NGEF: variants seen among roughly 807,000 people sequenced by gnomAD.
NGEF encodes neuronal guanine nucleotide exchange factor.
A neutral mutation model predicts 80.9 loss-of-function variants in NGEF; 31 were observed. That is an observed-to-expected ratio of 0.38 (90% CI 0.29 to 0.52). The LOEUF (loss-of-function observed/expected upper bound fraction) is 0.52, where lower values mean the gene tolerates loss of function less well. NGEF is among the 20% of genes least tolerant of loss of function. The pLI, the probability that NGEF is intolerant of heterozygous loss-of-function variation, is 0.84. For synonymous variants in NGEF, 371 were observed against 370.2 expected (o/e 1.00, Z -0.03); for missense variants, 709 against 926.2 (o/e 0.77, Z 3.04).
At chr2:232,906,610 C>A (rs1190877967) in intron 5 of NGEF, among the ~76,000 whole-genome samples, 1 of 54,388 alleles carries the variant, frequency 1.8e-5, no homozygotes, top group African/African-American at 5.9e-5. Flanking sequence ...AGTGAGGAGC[C>A]CCTCTGCCCG....
intron 3 of NGEF, among the ~76,000 whole-genome samples, chr2:232,937,847 G>T (rs1324709391): frequency 1.3e-5 from 2 of 152,320 alleles, no homozygotes; most frequent in East Asian, 3.9e-4. Flanking sequence ...TGGCTTCTGC[G>T]ATTGGTGCCT....
chr2:232,999,089 C>T (rs945857286), intron 1 of NGEF, among the ~76,000 whole-genome samples: 1 of 152,126 alleles, frequency 6.6e-6, no homozygotes, highest in Non-Finnish European at 1.5e-5. Context: ...ACTTGCCTCT[C>T]CTCTGGCCTC....
chr2:232,934,395 CTT>C (rs11335315), intron 3 of NGEF, among the ~76,000 whole-genome samples: 18 of 150,378 alleles, frequency 1.2e-4, no homozygotes, highest in African/African-American at 2.4e-4. Context: ...GAGGAAGATT[CTT>C]TTTTTTTTTA....
chr2:233,010,883 G>A (rs1471681977), intron 1 of NGEF, among the ~76,000 whole-genome samples: 3 of 152,152 alleles, frequency 2.0e-5, no homozygotes, highest in Non-Finnish European at 4.4e-5. Context: ...CCCAAGGTGG[G>A]GAGAGGTGGT....
chr2:232,958,356 C>T (rs550890645), intron 3 of NGEF, among the ~76,000 whole-genome samples: 27 of 152,262 alleles, frequency 1.8e-4, no homozygotes, highest in African/African-American at 6.3e-4. Flanking sequence ...TTGCAAGAGC[C>T]TTGGTCTGCA....
chr2:232,951,016 G>A (rs749612833), intron 3 of NGEF, among the ~76,000 whole-genome samples: 1 of 152,256 alleles, frequency 6.6e-6, no homozygotes. Flanking sequence ...ACCCAGCGGC[G>A]TCCGGCATGC....
intron 3 of NGEF, among the ~76,000 whole-genome samples, chr2:232,932,163 C>CTTTTTTTTTTTTTT (rs397988249): frequency 8.7e-6 from 1 of 115,590 alleles, no homozygotes. Context: ...AATCACCTTT[C>CTTTTTTTTTTTTTT]TTTTTTTTTT....
chr2:232,994,394 TA>T (rs1694736710), intron 1 of NGEF, among the ~76,000 whole-genome samples: 1 of 149,266 alleles, frequency 6.7e-6, no homozygotes, highest in African/African-American at 2.5e-5. Flanking sequence ...AAAAAGATAT[TA>T]AAAAAATAGA....
intron 2 of NGEF, among the ~76,000 whole-genome samples, chr2:232,971,104 C>T (rs999871306): frequency 2.6e-5 from 4 of 152,192 alleles, no homozygotes; most frequent in Admixed American, 2.6e-4. Context: ...CAATGATCTG[C>T]TGTGATTTTG....
intron 1 of NGEF, among the ~76,000 whole-genome samples, chr2:233,008,463 T>C (rs1033031686): frequency 2.0e-5 from 3 of 152,172 alleles, no homozygotes; most frequent in Admixed American, 1.3e-4. Context: ...TACAAGCAGG[T>C]TGCACTAACT....
chr2:232,941,364 G>A (rs1228936738), intron 3 of NGEF, among the ~76,000 whole-genome samples: 1 of 152,166 alleles, frequency 6.6e-6, no homozygotes. Flanking sequence ...GTGCTGCAAA[G>A]GCAGTCTAGT....
At chr2:232,952,495 A>C (rs1474246818) in intron 3 of NGEF, among the ~76,000 whole-genome samples, 1 of 152,220 alleles carries the variant, frequency 6.6e-6, no homozygotes, top group African/African-American at 2.4e-5. Flanking sequence ...GATGATCTAT[A>C]AGAGCAGCAA....
At chr2:232,969,346 A>G (rs1485997796) in intron 3 of NGEF, among the ~76,000 whole-genome samples, 2 of 151,446 alleles carry the variant, frequency 1.3e-5, no homozygotes, top group Admixed American at 1.3e-4. Context: ...CTGGGCTCAA[A>G]CAATCTTCTG....
chr2:232,957,742 G>T (rs1693859312), intron 3 of NGEF, among the ~76,000 whole-genome samples: 1 of 152,240 alleles, frequency 6.6e-6, no homozygotes, highest in Non-Finnish European at 1.5e-5. Context: ...TCACCTCTGG[G>T]TGTGGGCCTC....
chr2:232,938,556 C>T (rs1459219109), intron 3 of NGEF, among the ~76,000 whole-genome samples: 1 of 151,916 alleles, frequency 6.6e-6, no homozygotes, highest in African/African-American at 2.4e-5. Context: ...GGAGCCTGGG[C>T]TTTTGATCAA....
intron 3 of NGEF, among the ~76,000 whole-genome samples, chr2:232,927,600 C>A (rs1693103115): frequency 6.6e-6 from 1 of 152,136 alleles, no homozygotes; most frequent in Non-Finnish European, 1.5e-5. Context: ...CCAGGCCACA[C>A]GGCGCGGAAA....
At chr2:232,973,689 C>T (rs1195098372) in intron 2 of NGEF, among the ~76,000 whole-genome samples, 1 of 152,198 alleles carries the variant, frequency 6.6e-6, no homozygotes, top group African/African-American at 2.4e-5. Context: ...AGGCTGTCCT[C>T]CACCTTCCAA....
intron 8 of NGEF, among the ~76,000 whole-genome samples, chr2:232,888,421 CGTGCATACAT>C (rs1277838261): frequency 6.6e-6 from 1 of 152,214 alleles, no homozygotes; most frequent in African/African-American, 2.4e-5. Flanking sequence ...CATGCACACA[CGTGCATACAT>C]GCTCACACAT....
At chr2:232,934,112 C>G (rs764488504) in intron 3 of NGEF, among the ~76,000 whole-genome samples, 1 of 151,938 alleles carries the variant, frequency 6.6e-6, no homozygotes, top group Non-Finnish European at 1.5e-5. Context: ...CGTGATGGCA[C>G]GCACCTGTAG....
Sources: allele counts gnomAD v4.1 joint callset (sites outside exome capture counted in the v4.1 genomes callset), GRCh38; gene constraint gnomAD v4.1.1; transcripts MANE v1.5; gene names NCBI Gene and HGNC (gene_info 2026-07-23, HGNC 2026-07-21).